PTPRG: variants seen among roughly 807,000 people sequenced by gnomAD.
PTPRG encodes protein tyrosine phosphatase receptor type G, also known as receptor-type tyrosine-protein phosphatase gamma.
Under a neutral mutation model 165.3 loss-of-function variants are expected in PTPRG, and 102 were observed. The ratio of observed to expected loss-of-function variants is 0.62; its 90% CI spans 0.53 to 0.73. The LOEUF (loss-of-function observed/expected upper bound fraction) is 0.73, where lower values mean the gene tolerates loss of function less well. Ranked by LOEUF, PTPRG falls within the 30% of genes least tolerant of loss-of-function variation. The pLI is 0.00. For missense variants in PTPRG, 1,866 were observed against 1,861.4 expected (o/e 1.00, Z -0.05); for synonymous variants, 675 against 669.5 (o/e 1.01, Z -0.13).
At chr3:61,629,108 A>G in intron 1 of PTPRG, among the ~76,000 whole-genome samples, 1 of 152,150 alleles carries the variant, frequency 6.6e-6, no homozygotes, top group Non-Finnish European at 1.5e-5. Context: ...TGTGCCTTCA[A>G]GCAGTTCACT....
intron 26 of PTPRG, 26 bp from the exon 27 acceptor site, chr3:62,281,537 G>GGTTTTTTTT: frequency 1.7e-5 from 3 of 174,776 alleles, no homozygotes; most frequent in Non-Finnish European, 2.5e-5. Context: ...AACTGCAGAG[G>GGTTTTTTTT]CTTTTTTTTT....
chr3:62,084,983 T>C (rs988898303), intron 5 of PTPRG, among the ~76,000 whole-genome samples: 2 of 152,168 alleles, frequency 1.3e-5, no homozygotes, highest in Non-Finnish European at 2.9e-5. Context: ...GCCTAATAGC[T>C]TATTAGCTAC....
At chr3:62,032,316 A>G (rs1461143590) in intron 4 of PTPRG, among the ~76,000 whole-genome samples, 3 of 152,234 alleles carry the variant, frequency 2.0e-5, no homozygotes, top group Non-Finnish European at 4.4e-5. Flanking sequence ...GAATTCAGCT[A>G]CAAGAAAGCT....
chr3:61,808,677 T>G (rs1309515264), intron 2 of PTPRG, among the ~76,000 whole-genome samples: 2 of 152,144 alleles, frequency 1.3e-5, no homozygotes, highest in East Asian at 3.9e-4. Context: ...TACGTTGCAC[T>G]GGGCACGGAT....
At chr3:61,670,148 A>G (rs1378852643) in intron 1 of PTPRG, among the ~76,000 whole-genome samples, 1 of 152,220 alleles carries the variant, frequency 6.6e-6, no homozygotes, top group Non-Finnish European at 1.5e-5. Context: ...GGGGCAGATA[A>G]ATGCTGAGTG....
chr3:62,023,620 G>T (rs567674143), intron 4 of PTPRG, among the ~76,000 whole-genome samples: 42 of 152,020 alleles, frequency 2.8e-4, no homozygotes, highest in Admixed American at 1.4e-3. Context: ...TCTTTTTCGT[G>T]CACAGTTACC....
intron 2 of PTPRG, among the ~76,000 whole-genome samples, chr3:61,937,938 GT>G (rs397942143): frequency 0.024 from 3,520 of 148,682 alleles, 63 homozygotes; most frequent in Middle Eastern, 0.066. Flanking sequence ...TGATCTTGGG[GT>G]TTTTTTTTTT....
intron 1 of PTPRG, among the ~76,000 whole-genome samples, chr3:61,572,968 T>TGCGCTAGTGCACAC (rs1356780874): frequency 6.6e-6 from 1 of 152,252 alleles, no homozygotes; most frequent in Non-Finnish European, 1.5e-5. Context: ...CGTGGGCACA[T>TGCGCTAGTGCACAC]GCGCTAGTGC....
intron 2 of PTPRG, among the ~76,000 whole-genome samples, chr3:61,776,508 G>C (rs967806536): frequency 6.6e-6 from 1 of 152,120 alleles, no homozygotes; most frequent in Non-Finnish European, 1.5e-5. Context: ...CTCTTGGTCA[G>C]ACCAGTTCCC....
intron 1 of PTPRG, among the ~76,000 whole-genome samples, chr3:61,672,629 G>A (rs1344570740): frequency 7.9e-5 from 12 of 151,140 alleles, no homozygotes; most frequent in Non-Finnish European, 1.3e-4. Flanking sequence ...TGAGGCAGGA[G>A]AATCAGGCAG....
chr3:62,183,138 T>C (rs1019589913), intron 8 of PTPRG, among the ~76,000 whole-genome samples: 1 of 152,112 alleles, frequency 6.6e-6, no homozygotes, highest in Non-Finnish European at 1.5e-5. Flanking sequence ...TAGATCTAGG[T>C]CTCTAAAACA....
At chr3:61,857,617 G>GTTGA (rs1258472144) in intron 2 of PTPRG, among the ~76,000 whole-genome samples, 1 of 152,172 alleles carries the variant, frequency 6.6e-6, no homozygotes, top group African/African-American at 2.4e-5. Context: ...CAAAGTCAGG[G>GTTGA]TTGAGATCCT....
chr3:61,782,014 G>C (rs963713110), intron 2 of PTPRG, among the ~76,000 whole-genome samples: 3 of 151,032 alleles, frequency 2.0e-5, no homozygotes, highest in Non-Finnish European at 4.4e-5. Flanking sequence ...TAATAAACAT[G>C]ATTTAAATCT....
intron 2 of PTPRG, among the ~76,000 whole-genome samples, chr3:61,896,674 C>T (rs576950366): frequency 6.6e-6 from 1 of 152,282 alleles, no homozygotes; most frequent in African/African-American, 2.4e-5. Flanking sequence ...CCTGTAGCAA[C>T]ATATCTCTGC....
chr3:61,671,208 A>G (rs1168720720), intron 1 of PTPRG, among the ~76,000 whole-genome samples: 2 of 148,216 alleles, frequency 1.3e-5, no homozygotes, highest in African/African-American at 5.0e-5. Context: ...GCAGGGTCAC[A>G]GGACAATAGT....
intron 1 of PTPRG, among the ~76,000 whole-genome samples, chr3:61,738,173 C>T (rs1448472093): frequency 6.7e-6 from 1 of 149,016 alleles, no homozygotes; most frequent in Non-Finnish European, 1.5e-5. Context: ...GCTGGGATTA[C>T]AGGCATGAGC....
At chr3:62,167,751 A>T (rs1460012175) in intron 7 of PTPRG, among the ~76,000 whole-genome samples, 6 of 152,118 alleles carry the variant, frequency 3.9e-5, no homozygotes. Flanking sequence ...TTTGCTGGTT[A>T]GTTGGCAGGA....
chr3:61,796,727 T>G (rs2035056286), intron 2 of PTPRG, among the ~76,000 whole-genome samples: 1 of 152,250 alleles, frequency 6.6e-6, no homozygotes, highest in African/African-American at 2.4e-5. Flanking sequence ...AAGTGTGGCC[T>G]CTACAGAGGT....
intron 2 of PTPRG, among the ~76,000 whole-genome samples, chr3:61,977,442 A>G (rs2040536525): frequency 6.6e-6 from 1 of 152,232 alleles, no homozygotes; most frequent in Non-Finnish European, 1.5e-5. Flanking sequence ...TCCCTGGATC[A>G]TGCATGTGTT....
Sources: gnomAD v4.1 joint callset for allele counts (sites outside exome capture counted in the v4.1 genomes callset) on GRCh38, gnomAD v4.1.1 for gene constraint, MANE v1.5 for transcripts, NCBI Gene and HGNC (gene_info 2026-07-23, HGNC 2026-07-21) for gene names.